MAPK8: variants seen among roughly 807,000 people sequenced by gnomAD.
The protein encoded by MAPK8 is mitogen-activated protein kinase 8.
Under a neutral mutation model 52.9 loss-of-function variants are expected in MAPK8, and 13 were observed. The ratio of observed to expected loss-of-function variants is 0.25; its 90% CI spans 0.16 to 0.39. The LOEUF (loss-of-function observed/expected upper bound fraction) is 0.39. Ranked by LOEUF, MAPK8 falls within the 10% of genes least tolerant of loss-of-function variation. The probability of loss-of-function intolerance (pLI) is 1.00; values close to 1 mark genes in which losing one functional copy is unlikely to be tolerated. For missense variants in MAPK8, 300 were observed against 519.2 expected (o/e 0.58, Z 4.10); for synonymous variants, 191 against 169.8 (o/e 1.12, Z -0.97).
chr10:48,393,108 A>T (rs2041712170), intron 1 of MAPK8, among the ~76,000 whole-genome samples: 1 of 152,096 alleles, frequency 6.6e-6, no homozygotes, highest in South Asian at 2.1e-4. Context: ...TGTGGTTGTT[A>T]TAAAGCTGAA....
intron 1 of MAPK8, 173 bp downstream of exon 1, chr10:48,306,994 G>C (rs979588566): frequency 3.6e-4 from 54 of 152,086 alleles, no homozygotes; most frequent in African/African-American, 1.3e-3. Context: ...GCGCGGAGGC[G>C]GGGGCCAGCC....
intron 1 of MAPK8, among the ~76,000 whole-genome samples, chr10:48,381,287 A>G (rs1044081215): frequency 1.3e-5 from 2 of 152,136 alleles, no homozygotes; most frequent in East Asian, 1.9e-4. Flanking sequence ...TTTTAGCTAT[A>G]TCATGTAAAT....
intron 1 of MAPK8, among the ~76,000 whole-genome samples, chr10:48,394,945 A>G (rs2041816679): frequency 6.6e-6 from 1 of 151,960 alleles, no homozygotes; most frequent in African/African-American, 2.4e-5. Context: ...AAATATTAGC[A>G]TTCAAAATCT....
rs749770326 is a variant in MAPK8 at position 48,405,029 on chromosome 10, A to AT, written c.252+50dup. 1.9e-5 allele frequency: 25 copies of AT among 1,339,336 alleles called. No homozygotes were observed. The Admixed American group carries it at 3.7e-4, about 20-fold the overall frequency. 83.0% of individuals were successfully genotyped at this position (1,339,336 alleles called of 1,614,324 possible). The stretch of plus-strand genomic sequence containing the variant: ...CTAAGTATAGATGAAATCAAGATTT[A>AT]TTCATGAATATGTGAATATCAAAGA... On this transcript the variant is annotated intron_variant, in intron 3 of 11. Coordinates refer to ENST00000374189, the MANE Select transcript of MAPK8 (RefSeq NM_001323329.2).
At chr10:48,428,086 G>A (rs1483979650) in intron 10 of MAPK8, among the ~76,000 whole-genome samples, 4 of 152,126 alleles carry the variant, frequency 2.6e-5, no homozygotes, top group South Asian at 2.1e-4. Context: ...GTACACTTCC[G>A]TCCATGTTAT....
chr10:48,388,765 A>T (rs1035786114), intron 1 of MAPK8, among the ~76,000 whole-genome samples: 2 of 152,164 alleles, frequency 1.3e-5, no homozygotes, highest in African/African-American at 2.4e-5. Context: ...CAGTGACTGA[A>T]ACATAGGCTG....
intron 1 of MAPK8, among the ~76,000 whole-genome samples, chr10:48,386,048 T>C (rs1375618578): frequency 6.6e-6 from 1 of 152,086 alleles, no homozygotes; most frequent in Non-Finnish European, 1.5e-5. Flanking sequence ...ATGAAAAAAA[T>C]TATCTGTAAA....
Position 48,438,011 on chromosome 10 carries a change from T to G in MAPK8, c.*2982T>G, listed in dbSNP as rs1424008921. The G allele has an allele frequency of 6.6e-6, 1 of 152,266 alleles. No homozygotes were observed. The highest frequency in any genetic ancestry group is 1.5e-5 in the Non-Finnish European group (1 of 68,050). The allele number at this position is 152,266 out of a possible 1,614,324, so 9.4% of individuals were successfully genotyped here. On this transcript the variant is annotated 3_prime_UTR_variant, in exon 12 of 12. Coordinates refer to ENST00000374189, the MANE Select transcript of MAPK8 (RefSeq NM_001323329.2). ...ACAGATAAGACTTGGTTTACACTAT[T>G]GGCCAGTATCTGCTAAACATATGAA...
rs1383604099 is a variant in MAPK8, at chr10:48,436,532, A to G, written c.*1503A>G. The G allele has an allele frequency of 1.3e-5, 2 of 152,232 alleles. No individual in the cohort carries two copies. The highest frequency in any genetic ancestry group is 4.8e-5 in the African/African-American group (2 of 41,472). 9.4% of individuals were successfully genotyped at this position (152,232 alleles called of 1,614,324 possible). A position where few individuals can be genotyped will look rare whatever the true frequency, so the allele number is the denominator to read the frequency against. Reference sequence around the variant, plus strand: ...TGAACTAGGAAATGCATACTCACATAAGCAACAAGGTTCTAGGCAGAAAGC... The same window carrying G: ...TGAACTAGGAAATGCATACTCACATGAGCAACAAGGTTCTAGGCAGAAAGC... On this transcript the variant is annotated 3_prime_UTR_variant, in exon 12 of 12. Coordinates refer to ENST00000374189, the MANE Select transcript of MAPK8 (RefSeq NM_001323329.2).
At chr10:48,340,253 C>T (rs938096802) in intron 1 of MAPK8, among the ~76,000 whole-genome samples, 8 of 152,202 alleles carry the variant, frequency 5.3e-5, no homozygotes, top group Admixed American at 4.6e-4. Context: ...TTTACAGCAA[C>T]GTGGATGCAG....
chr10:48,342,619 C>T (rs976003826), intron 1 of MAPK8, among the ~76,000 whole-genome samples: 8 of 152,106 alleles, frequency 5.3e-5, no homozygotes, highest in East Asian at 1.9e-4. Context: ...GAAATGTAGT[C>T]GTGTGAATGG....
chr10:48,343,837 A>G (rs1379438156), intron 1 of MAPK8, among the ~76,000 whole-genome samples: 3 of 152,256 alleles, frequency 2.0e-5, no homozygotes, highest in Admixed American at 6.5e-5. Context: ...TACTCATTGT[A>G]TACTGTTGAT....
At chr10:48,392,912 C>T (rs1252385091) in intron 1 of MAPK8, among the ~76,000 whole-genome samples, 1 of 152,138 alleles carries the variant, frequency 6.6e-6, no homozygotes, top group East Asian at 1.9e-4. Context: ...CTAGCTTCTG[C>T]TGCGTTCGCT....
chr10:48,426,830 C>G, intron 9 of MAPK8: 1 of 482,270 alleles, frequency 2.1e-6, no homozygotes, highest in African/African-American at 1.9e-5. Context: ...ATTCTGTGAT[C>G]TGTGATATAA....
chr10:48,314,452 A>T (rs1842300449), intron 1 of MAPK8, among the ~76,000 whole-genome samples: 1 of 152,160 alleles, frequency 6.6e-6, no homozygotes, highest in Non-Finnish European at 1.5e-5. Context: ...CTCCTTTCTG[A>T]TGCATATTTA....
At chr10:48,361,599 C>G (rs1589069330) in intron 1 of MAPK8, among the ~76,000 whole-genome samples, 2 of 152,252 alleles carry the variant, frequency 1.3e-5, no homozygotes, top group East Asian at 3.9e-4. Flanking sequence ...CACTTTAAAG[C>G]AAATAAAGTT....
chr10:48,374,216 A>G (rs1160941832), intron 1 of MAPK8, among the ~76,000 whole-genome samples: 1 of 152,216 alleles, frequency 6.6e-6, no homozygotes, highest in Non-Finnish European at 1.5e-5. Context: ...GACACAATGT[A>G]GGAGAATCTC....
intron 1 of MAPK8, among the ~76,000 whole-genome samples, chr10:48,317,940 C>T (rs973977669): frequency 1.4e-5 from 2 of 140,880 alleles, no homozygotes; most frequent in African/African-American, 5.3e-5. Context: ...GGTTTTGTGA[C>T]CCCCCACCCC....
chr10:48,359,880 C>A (rs1437429505), intron 1 of MAPK8, among the ~76,000 whole-genome samples: 1 of 152,154 alleles, frequency 6.6e-6, no homozygotes, highest in East Asian at 1.9e-4. Context: ...ACACAGAAAG[C>A]ATGAAAAGGA....
Sources: gnomAD v4.1 joint callset for allele counts (sites outside exome capture counted in the v4.1 genomes callset) on GRCh38, gnomAD v4.1.1 for gene constraint, MANE v1.5 for transcripts, NCBI Gene and HGNC (gene_info 2026-07-23, HGNC 2026-07-21) for gene names.